Variants in CTU2 observed in about 807,000 individuals in gnomAD.
The protein encoded by CTU2 is cytosolic thiouridylase subunit 2, also known as cytoplasmic tRNA 2-thiolation protein 2.
CTU2 carries 80 observed loss-of-function variants against 64.1 expected under a neutral mutation model. The ratio of observed to expected loss-of-function variants is 1.25; its 90% CI spans 1.04 to 1.50. CTU2 has a LOEUF of 1.50. Ranked by LOEUF, CTU2 falls within the 40% of genes most tolerant of loss-of-function variation. CTU2 has a pLI of 0.00. For synonymous variants in CTU2, 482 were observed against 285.3 expected, an observed-to-expected ratio of 1.69 and a Z score of -6.95; for missense variants, 1,110 against 690.2, an observed-to-expected ratio of 1.61 and a Z score of -6.81.
chr16:88,707,188 C>G lies in CTU2; in HGVS notation c.121C>G (p.Arg41Gly), dbSNP rs201724248. ...GGAAGCGCAGCCCGTTGTGGTGATACGAGCCGGAGATGCCTTCTGCAGGTG... is the reference window on the plus strand; with the variant it reads ...GGAAGCGCAGCCCGTTGTGGTGATAGGAGCCGGAGATGCCTTCTGCAGGTG... ...CKEAQPVVVI[R>G]AGDAFCRDCF... is the part of the protein sequence containing the mutation. The change falls in exon 2 of 15, where the codon CGA (arginine) becomes GGA (glycine). Residue 41 changes from arginine to glycine, a missense_variant. Coordinates refer to ENST00000453996, the MANE Select transcript of CTU2 (RefSeq NM_001012759.3). 1.5e-4 allele frequency: 245 copies of G among 1,613,930 alleles called. No homozygotes were observed. Among genetic ancestry groups the G allele is most frequent in the Middle Eastern group, 1.3e-3 (8 of 6,060 alleles).
chr16:88,710,036 G>A lies in CTU2; in HGVS notation c.222+20G>A. 1.9e-6 allele frequency: 3 copies of A among 1,613,166 alleles called. No homozygotes were observed. The highest frequency in any genetic ancestry group is 2.5e-6 in the Non-Finnish European group (3 of 1,179,390). Reference sequence around the variant, plus strand: ...GAGAAGGTAGCGTCTGGGTCCTGGGGGTCTGACTGAGCAGCCTGGCCCCTC... The same window carrying A: ...GAGAAGGTAGCGTCTGGGTCCTGGGAGTCTGACTGAGCAGCCTGGCCCCTC... On this transcript the variant is annotated intron_variant, in intron 3 of 14. Transcript: ENST00000453996.
At position 88,712,609 on chromosome 16, in the gene CTU2, C is replaced by G. The variant is rs1335316870; in HGVS notation, c.454-13C>G. 3 of 1,607,050 alleles carry G rather than the reference C, an allele frequency of 1.9e-6. No homozygotes were observed. The African/African-American group carries it at 4.0e-5, about 21-fold the overall frequency. ...TGTCCCGGGCCTCACTGGCGTCTCC[C>G]TCATCCCGGAAGGTGTTCAGCCTGC... On this transcript the variant is annotated splice_polypyrimidine_tract_variant and intron_variant, in intron 6 of 14. Coordinates refer to ENST00000453996, the MANE Select transcript of CTU2 (RefSeq NM_001012759.3).
chr16:88,708,160 G>C lies in CTU2; in HGVS notation c.143+950G>C, dbSNP rs1250621541. Among the ~76,000 whole-genome samples the C allele has an allele frequency of 2.0e-5, 3 of 152,156 alleles. No homozygotes were observed. In the East Asian group the frequency reaches 5.8e-4, roughly 29 times the overall value. On this transcript the variant is annotated intron_variant, in intron 2 of 14. Coordinates refer to ENST00000453996, the MANE Select transcript of CTU2 (RefSeq NM_001012759.3). The stretch of plus-strand genomic sequence containing the variant: ...ACCCAGGAGCATCTGAAATTGCCAA[G>C]AACACCAGGCTGCCGGCAGAATTCA...
intron 2 of CTU2, among the ~76,000 whole-genome samples, chr16:88,707,586 G>C (rs909314254): frequency 6.6e-6 from 1 of 152,184 alleles, no homozygotes; most frequent in African/African-American, 2.4e-5. Context: ...CTGGGTGAAA[G>C]TTTTTAATCT....
intron 14 of CTU2, 23 bp from the exon 15 acceptor site, chr16:88,715,159 G>A (rs754693666): frequency 1.9e-6 from 3 of 1,610,698 alleles, no homozygotes; most frequent in Non-Finnish European, 1.7e-6. Context: ...CGGGGCTGGT[G>A]CCCACTGCAG....
Position 88,712,293 on chromosome 16 carries a change from G to A in CTU2, c.363G>A (p.Gln121=), listed in dbSNP as rs755032900. Reference sequence around the variant, plus strand: ...TTTCAGAGGGAGCAGCCTGTGGCCAGAGCCTAGAGGAGAGATCAAAGACCC... The same window carrying A: ...TTTCAGAGGGAGCAGCCTGTGGCCAAAGCCTAGAGGAGAGATCAAAGACCC... ...IFVDEGAACG[Q]SLEERSKTLA... Residue 121 remains glutamine (Q), a synonymous_variant, in exon 6 of 15, where the codon CAG becomes CAA. Transcript: ENST00000453996. The A allele has an allele frequency of 1.9e-6, 3 of 1,605,626 alleles. No individual in the cohort carries two copies. Among genetic ancestry groups the A allele is most frequent in the Middle Eastern group, 1.6e-4 (1 of 6,072 alleles).
At chr16:88,712,426 T>TG (rs34853465) in intron 6 of CTU2, 43 bp downstream of exon 6, 7 of 1,498,002 alleles carry the variant, frequency 4.7e-6, no homozygotes, top group African/African-American at 2.8e-5. Flanking sequence ...AGGTGACCCC[T>TG]GGGGGGCACC....
At position 88,715,368 on chromosome 16, in the gene CTU2, T is replaced by C; in HGVS notation, c.*117T>C. 4 of 1,212,504 alleles carry C rather than the reference T, an allele frequency of 3.3e-6. No individual in the cohort carries two copies. Among genetic ancestry groups the C allele is most frequent in the Non-Finnish European group, 4.5e-6 (4 of 883,538 alleles). The allele number at this position is 1,212,504 out of a possible 1,614,324, so 75.1% of individuals were successfully genotyped here. ...TTGTCCATTTGTATAAATAAAACATTTTTTAATTAAAAAAAAAACTCTACA... is the reference window on the plus strand; with the variant it reads ...TTGTCCATTTGTATAAATAAAACATCTTTTAATTAAAAAAAAAACTCTACA... On this transcript the variant is annotated 3_prime_UTR_variant, in exon 15 of 15. Transcript: ENST00000453996.
At chr16:88,706,878 T>TTGGGAG in intron 1 of CTU2, 1 of 559,458 alleles carries the variant, frequency 1.8e-6, no homozygotes, top group African/African-American at 1.9e-5. Context: ...CTGTCTCGCC[T>TTGGGAG]CCCCGTGTCA....
Position 88,714,920 on chromosome 16 carries a change from G to C in CTU2, c.1413G>C (p.Lys471Asn). The change falls in exon 13 of 15, where the codon AAG becomes AAC. Residue 471 changes from lysine (K) to asparagine (N), a missense_variant. By Grantham distance (94) the Lys-to-Asn change is moderately conservative (BLOSUM62 0). Coordinates refer to ENST00000453996, the MANE Select transcript of CTU2 (RefSeq NM_001012759.3). Reference protein sequence around the residue: ...QLCYSCRVNMKDLPSLDPLPP... With the variant: ...QLCYSCRVNMNDLPSLDPLPP... ...GCTACAGCTGCCGCGTGAACATGAAGGACTTGGTGAGTACGTGCCCACCTG... is the reference window on the plus strand; with the variant it reads ...GCTACAGCTGCCGCGTGAACATGAACGACTTGGTGAGTACGTGCCCACCTG... 1 of 1,612,670 alleles carries C rather than the reference G, an allele frequency of 6.2e-7. No homozygotes were observed.
intron 2 of CTU2, among the ~76,000 whole-genome samples, chr16:88,708,123 ACTT>A (rs1402453901): frequency 2.0e-5 from 3 of 152,152 alleles, no homozygotes; most frequent in Non-Finnish European, 4.4e-5. Context: ...CAAGATAGGT[ACTT>A]CTTTAACCAC....
intron 6 of CTU2, 98 bp from the exon 7 acceptor site, chr16:88,712,524 G>C (rs2142723472): frequency 1.3e-6 from 2 of 1,517,218 alleles, no homozygotes; most frequent in South Asian, 1.3e-5. Context: ...CCGTGCCCCA[G>C]CCTCACTGCC....
chr16:88,714,404 G>C lies in CTU2; in HGVS notation c.1119G>C (p.Lys373Asn), dbSNP rs954570510. The change falls in exon 11 of 15, where the codon AAG (lysine) becomes AAC (asparagine). Residue 373 changes from lysine to asparagine, a missense_variant. Physicochemically the swap from Lys to Asn is moderately conservative, Grantham distance 94. Transcript: ENST00000453996. ...ACAGGACAAGTGAGAAGCTGGTGAA[G>C]GGCCCCCGGGATGGCCCTGCTGCTG... ...TVYRTSEKLV[K>N]GPRDGPAAGD... 2 of 1,612,428 alleles carry C rather than the reference G, an allele frequency of 1.2e-6. No homozygotes were observed. Among genetic ancestry groups the C allele is most frequent in the African/African-American group, 2.7e-5 (2 of 74,932 alleles).
intron 5 of CTU2, 49 bp downstream of exon 5, chr16:88,711,744 C>A (rs1215288437): frequency 6.5e-7 from 1 of 1,541,838 alleles, no homozygotes. Flanking sequence ...TGGGGTAAGC[C>A]CTGCGGATCC....
chr16:88,714,677 G>A lies in CTU2; in HGVS notation c.1292G>A (p.Gly431Glu). The A allele has an allele frequency of 6.2e-7, 1 of 1,612,396 alleles. No individual in the cohort carries two copies. The highest frequency in any genetic ancestry group is 8.5e-7 in the Non-Finnish European group (1 of 1,179,766). ...CTGACTGAGACCCGGACACCCCCGGGGCCCTGCTGTTCTCCAGGGGTGGGC... is the reference window on the plus strand; with the variant it reads ...CTGACTGAGACCCGGACACCCCCGGAGCCCTGCTGTTCTCCAGGGGTGGGC... ...IPLTETRTPP[G>E]PCCSPGVGWA... Residue 431 changes from glycine to glutamate, a missense_variant, in exon 12 of 15, where the codon GGG (glycine) becomes GAG (glutamate). By Grantham distance (98) the Gly-to-Glu change is moderately conservative. Coordinates refer to ENST00000453996, the MANE Select transcript of CTU2 (RefSeq NM_001012759.3).
Position 88,713,751 on chromosome 16 carries a change from T to C in CTU2, c.978T>C (p.Ser326=), listed in dbSNP as rs144354219. 5 of 1,612,696 alleles carry C rather than the reference T, an allele frequency of 3.1e-6. No homozygotes were observed. The highest frequency in any genetic ancestry group is 4.2e-6 in the Non-Finnish European group (5 of 1,179,876). ...AFYNRLFSVP[S]VFTPAVDTKA... is the part of the protein sequence containing the mutation. ...ACAACCGCCTGTTCTCCGTTCCTTC[T>C]GTCTTCACACCAGCCGTCGACACCA... The change falls in exon 9 of 15, where the codon TCT becomes TCC. Residue 326 remains serine (S), a synonymous_variant. Transcript: ENST00000453996.
rs1248138214 is a variant in CTU2, at chr16:88,706,567, C to G, written c.37C>G (p.Pro13Ala). The change falls in exon 1 of 15, where the codon CCT (proline) becomes GCT (alanine). Residue 13 changes from proline to alanine, a missense_variant. Coordinates refer to ENST00000453996, the MANE Select transcript of CTU2 (RefSeq NM_001012759.3). ...GGGCGAGGACTACGGGGAGCCGGCG[C>G]CTGAGGAGCCGCCCCCGGCGCCGCG... ...QVGEDYGEPA[P>A]EEPPPAPRPS... The G allele has an allele frequency of 6.9e-7, 1 of 1,457,320 alleles. No homozygotes were observed. Among genetic ancestry groups the G allele is most frequent in the Non-Finnish European group, 9.0e-7 (1 of 1,111,694 alleles). The allele number at this position is 1,457,320 out of a possible 1,614,324, so 90.3% of individuals were successfully genotyped here.
intron 2 of CTU2, among the ~76,000 whole-genome samples, chr16:88,708,314 C>T (rs979849128): frequency 6.6e-6 from 1 of 152,186 alleles, no homozygotes; most frequent in Non-Finnish European, 1.5e-5. Flanking sequence ...CTACATCGAG[C>T]TGGGATCCCC....
chr16:88,707,138 G>A lies in CTU2; in HGVS notation c.71G>A (p.Arg24His). The change falls in exon 2 of 15, where the codon CGT becomes CAT. Residue 24 changes from arginine to histidine, a missense_variant and splice_region_variant. Transcript: ENST00000453996. ...EEPPPAPRPS[R>H]EQKCVKCKEA... Reference sequence around the variant, plus strand: ...TCTCCCCCCTCCCATCTCCAAAGCCGTGAGCAGAAGTGTGTGAAGTGCAAG... The same window carrying A: ...TCTCCCCCCTCCCATCTCCAAAGCCATGAGCAGAAGTGTGTGAAGTGCAAG... 4 of 1,613,744 alleles carry A rather than the reference G, an allele frequency of 2.5e-6. No individual in the cohort carries two copies. Among genetic ancestry groups the A allele is most frequent in the Non-Finnish European group, 3.4e-6 (4 of 1,179,848 alleles).
Sources: gnomAD v4.1 joint callset for allele counts (sites outside exome capture counted in the v4.1 genomes callset) on GRCh38, gnomAD v4.1.1 for gene constraint, MANE v1.5 for transcripts, NCBI Gene and HGNC (gene_info 2026-07-23, HGNC 2026-07-21) for gene names.